The following DENND1A variants were observed in gnomAD, a reference collection of about 807,000 sequenced individuals.
DENND1A encodes DENN domain containing 1A.
A neutral mutation model predicts 113.7 loss-of-function variants in DENND1A; 51 were observed. The observed-to-expected ratio is 0.45, with a 90% CI of 0.36 to 0.57. The LOEUF is 0.57. DENND1A is among the 20% of genes least tolerant of loss of function. The pLI is 0.00. For synonymous variants in DENND1A, 565 were observed against 570.8 expected, an observed-to-expected ratio of 0.99 and a Z score of 0.14; for missense variants, 1,258 against 1,395.9, an observed-to-expected ratio of 0.90 and a Z score of 1.57.
At chr9:123,520,934 G>A (rs918147992) in intron 13 of DENND1A, among the ~76,000 whole-genome samples, 1 of 152,176 alleles carries the variant, frequency 6.6e-6, no homozygotes, top group Non-Finnish European at 1.5e-5. Flanking sequence ...TGAGAACAGT[G>A]TCTGGTTTTT....
intron 15 of DENND1A, among the ~76,000 whole-genome samples, chr9:123,455,594 C>T (rs537862498): frequency 3.3e-5 from 5 of 152,156 alleles, no homozygotes; most frequent in Admixed American, 6.5e-5. Context: ...CTGAGACATC[C>T]GTACTCTGGG....
chr9:123,879,584 G>C (rs1251495068), intron 1 of DENND1A, among the ~76,000 whole-genome samples: 1 of 141,604 alleles, frequency 7.1e-6, no homozygotes, highest in East Asian at 2.0e-4. Context: ...AAATTGTCTA[G>C]GCATGATGTC....
At chr9:123,562,187 G>A (rs2057796969) in intron 12 of DENND1A, among the ~76,000 whole-genome samples, 1 of 152,096 alleles carries the variant, frequency 6.6e-6, no homozygotes. Flanking sequence ...CGAGCAGACT[G>A]TGCAGGCTGT....
chr9:123,621,184 CTTTTTTT>C (rs71490814), intron 10 of DENND1A, among the ~76,000 whole-genome samples: 5 of 134,882 alleles, frequency 3.7e-5, no homozygotes, highest in East Asian at 2.1e-4. Flanking sequence ...AGTTGAAATT[CTTTTTTT>C]TTTTTTTTTT....
At chr9:123,898,838 G>A (rs1564467177) in intron 1 of DENND1A, among the ~76,000 whole-genome samples, 1 of 152,132 alleles carries the variant, frequency 6.6e-6, no homozygotes, top group Non-Finnish European at 1.5e-5. Flanking sequence ...ATTAGATTAG[G>A]GGGATAAAAT....
chr9:123,383,604 G>C, intron 23 of DENND1A, 51 bp downstream of exon 23: 2 of 1,578,870 alleles, frequency 1.3e-6, no homozygotes, highest in Non-Finnish European at 1.7e-6. Context: ...CCCACCTCGT[G>C]TGCGGACAGT....
At chr9:123,721,810 T>C (rs1413062278) in intron 5 of DENND1A, among the ~76,000 whole-genome samples, 1 of 152,194 alleles carries the variant, frequency 6.6e-6, no homozygotes, top group Non-Finnish European at 1.5e-5. Flanking sequence ...GAACTGTAAG[T>C]CCATTAAACC....
intron 13 of DENND1A, among the ~76,000 whole-genome samples, chr9:123,515,855 C>A (rs544410391): frequency 1.3e-5 from 2 of 151,942 alleles, no homozygotes; most frequent in African/African-American, 4.8e-5. Flanking sequence ...TCCCTTGAGC[C>A]CAGGAGTTTG....
At chr9:123,927,181 TAA>T (rs1318827409) in intron 1 of DENND1A, among the ~76,000 whole-genome samples, 1 of 152,196 alleles carries the variant, frequency 6.6e-6, no homozygotes, top group African/African-American at 2.4e-5. Context: ...GGCTTAAACT[TAA>T]AAGAGAAGTC....
intron 5 of DENND1A, among the ~76,000 whole-genome samples, chr9:123,689,438 T>A (rs528695706): frequency 6.6e-6 from 1 of 152,220 alleles, no homozygotes; most frequent in African/African-American, 2.4e-5. Flanking sequence ...AATGTACGCA[T>A]GAATCATTTT....
intron 1 of DENND1A, among the ~76,000 whole-genome samples, chr9:123,926,230 T>A (rs1857067939): frequency 6.6e-6 from 1 of 152,194 alleles, no homozygotes; most frequent in African/African-American, 2.4e-5. Context: ...TTTTTGTCCA[T>A]TAAATGTTGA....
At chr9:123,714,649 T>C (rs974899813) in intron 5 of DENND1A, among the ~76,000 whole-genome samples, 1 of 152,056 alleles carries the variant, frequency 6.6e-6, no homozygotes, top group Middle Eastern at 3.2e-3. Flanking sequence ...TCAGCCCTAC[T>C]GTAAGAGAAC....
intron 10 of DENND1A, among the ~76,000 whole-genome samples, chr9:123,614,285 G>A (rs1488958896): frequency 6.6e-6 from 1 of 152,210 alleles, no homozygotes; most frequent in East Asian, 1.9e-4. Context: ...TAAGCTGAAA[G>A]GAAAAGAGCG....
chr9:123,444,971 C>A (rs146864405), intron 18 of DENND1A, among the ~76,000 whole-genome samples: 2 of 152,184 alleles, frequency 1.3e-5, no homozygotes, highest in African/African-American at 4.8e-5. Flanking sequence ...CCTGGAGCCC[C>A]GAGGCTCAGC....
At chr9:123,393,937 G>A (rs150256418) in intron 21 of DENND1A, among the ~76,000 whole-genome samples, 225 of 152,204 alleles carry the variant, frequency 1.5e-3, no homozygotes, top group African/African-American at 4.7e-3. Flanking sequence ...TGGTGGGGGC[G>A]TGCCTGGCTC....
At position 123,383,723 on chromosome 9, in the gene DENND1A, C is replaced by T; in HGVS notation, c.1951G>A (p.Ala651Thr). ...MEAALQPLGQ[A>T]KSLEDLRAPK... ...GCACGAAGGTCCTCTAAGCTCTTGG[C>T]CTGGCCCAGTGGCTGCAGTGCGGCC... The change falls in exon 23 of 24, where the codon GCC becomes ACC. Residue 651 changes from alanine (A) to threonine (T), a missense_variant. Physicochemically the swap from Ala to Thr is moderately conservative, Grantham distance 58. This residue lies in a region of DENND1A where 1,159 missense variants were observed against 1,231.7 expected (regional missense o/e 0.94). Coordinates refer to ENST00000394215, the MANE Select transcript of DENND1A (RefSeq NM_001352964.2). 5 of 1,614,176 alleles carry T rather than the reference C, an allele frequency of 3.1e-6. No homozygotes were observed. Among genetic ancestry groups the T allele is most frequent in the Non-Finnish European group, 4.2e-6 (5 of 1,180,042 alleles).
intron 2 of DENND1A, among the ~76,000 whole-genome samples, chr9:123,817,266 AT>A (rs1333384870): frequency 6.6e-6 from 1 of 152,190 alleles, no homozygotes; most frequent in African/African-American, 2.4e-5. Flanking sequence ...CCTATGAAAG[AT>A]GACTCATCTT....
chr9:123,880,540 T>C (rs1848169040), intron 1 of DENND1A, among the ~76,000 whole-genome samples: 1 of 152,216 alleles, frequency 6.6e-6, no homozygotes, highest in Non-Finnish European at 1.5e-5. Context: ...ACCTTCTGAG[T>C]TGCCTAATCA....
At chr9:123,389,583 CAG>C (rs1384727966) in intron 21 of DENND1A, among the ~76,000 whole-genome samples, 2 of 152,234 alleles carry the variant, frequency 1.3e-5, no homozygotes, top group Non-Finnish European at 2.9e-5. Context: ...ATACAGCCAC[CAG>C]AGTCTCTTTC....
Sources: allele counts gnomAD v4.1 joint callset (sites outside exome capture counted in the v4.1 genomes callset), GRCh38; gene constraint gnomAD v4.1.1; regional missense constraint gnomAD v4.1.1; transcripts MANE v1.5; gene names NCBI Gene and HGNC (gene_info 2026-07-23, HGNC 2026-07-21).